FBN2: variants seen among roughly 807,000 people sequenced by gnomAD.
FBN2 encodes fibrillin 2, also known as fibrillin-2.
Under a neutral mutation model 355.6 loss-of-function variants are expected in FBN2, and 105 were observed. That is an observed-to-expected ratio of 0.30 (90% CI 0.25 to 0.35). FBN2 has a LOEUF of 0.35. FBN2 is among the 10% of genes least tolerant of loss of function. FBN2 has a pLI of 1.00. For synonymous variants in FBN2, 1,350 were observed against 1,301.2 expected, an observed-to-expected ratio of 1.04 and a Z score of -0.81; for missense variants, 3,280 against 3,758.7, an observed-to-expected ratio of 0.87 and a Z score of 3.33.
At chr5:128,480,692 G>A (rs969797766) in intron 5 of FBN2, among the ~76,000 whole-genome samples, 1 of 152,062 alleles carries the variant, frequency 6.6e-6, no homozygotes, top group East Asian at 1.9e-4. Context: ...CAAGATTGTC[G>A]CCAGCCTGGG....
intron 39 of FBN2, 53 bp from the exon 40 acceptor site, chr5:128,310,161 T>G: frequency 6.9e-7 from 1 of 1,439,688 alleles, no homozygotes; most frequent in Non-Finnish European, 9.6e-7. Context: ...TTCAATGAAT[T>G]TATATTACTT....
At chr5:128,347,742 G>A (rs1394940808) in intron 23 of FBN2, among the ~76,000 whole-genome samples, 1 of 151,834 alleles carries the variant, frequency 6.6e-6, no homozygotes, top group East Asian at 1.9e-4. Flanking sequence ...CAAAGTACAA[G>A]GATGAAGAAT....
At chr5:128,522,690 T>C (rs1756461645) in intron 4 of FBN2, among the ~76,000 whole-genome samples, 1 of 152,086 alleles carries the variant, frequency 6.6e-6, no homozygotes, top group African/African-American at 2.4e-5. Flanking sequence ...CCAAAAATGG[T>C]GAATTTCCTT....
At chr5:128,398,704 T>C (rs1251864835) in intron 8 of FBN2, among the ~76,000 whole-genome samples, 1 of 152,210 alleles carries the variant, frequency 6.6e-6, no homozygotes, top group African/African-American at 2.4e-5. Flanking sequence ...TGTGTACATC[T>C]GATATGGTTT....
chr5:128,496,832 T>C (rs1156881032), intron 5 of FBN2, among the ~76,000 whole-genome samples: 1 of 151,902 alleles, frequency 6.6e-6, no homozygotes, highest in Non-Finnish European at 1.5e-5. Context: ...TGAAGACTAT[T>C]AGAATTAACA....
At chr5:128,293,661 A>C (rs1749400369) in intron 48 of FBN2, among the ~76,000 whole-genome samples, 1 of 152,160 alleles carries the variant, frequency 6.6e-6, no homozygotes, top group Non-Finnish European at 1.5e-5. Flanking sequence ...AAAGGTAGCC[A>C]AGACTGCCTA....
At chr5:128,431,049 G>A (rs1753610811) in intron 7 of FBN2, among the ~76,000 whole-genome samples, 1 of 152,084 alleles carries the variant, frequency 6.6e-6, no homozygotes, top group Non-Finnish European at 1.5e-5. Context: ...CTAATTTCAG[G>A]AATGCCCAGG....
chr5:128,260,569 G>C (rs1000088916), intron 64 of FBN2, among the ~76,000 whole-genome samples: 2 of 152,192 alleles, frequency 1.3e-5, no homozygotes, highest in African/African-American at 2.4e-5. Context: ...TCAGTGTTCA[G>C]GCAGAATTAT....
intron 24 of FBN2, 147 bp from the exon 25 acceptor site, chr5:128,344,657 T>C: frequency 2.7e-6 from 2 of 731,534 alleles, no homozygotes; most frequent in Non-Finnish European, 4.9e-6. Flanking sequence ...ATCACACTGA[T>C]ATCACACAGG....
At chr5:128,304,908 C>G (rs540930698) in intron 45 of FBN2, 49 bp downstream of exon 45, 1 of 1,612,946 alleles carries the variant, frequency 6.2e-7, no homozygotes, top group Non-Finnish European at 8.5e-7. Flanking sequence ...GTGATCTGTT[C>G]TGGAACCCCA....
intron 7 of FBN2, among the ~76,000 whole-genome samples, chr5:128,416,550 G>T (rs1168141442): frequency 6.6e-6 from 1 of 152,172 alleles, no homozygotes; most frequent in Non-Finnish European, 1.5e-5. Context: ...CGGGTCTTAT[G>T]TTTAGGTCTT....
chr5:128,519,395 A>C, intron 4 of FBN2, 27 bp from the exon 5 acceptor site: 352 of 1,561,708 alleles, frequency 2.3e-4, no homozygotes, highest in Non-Finnish European at 2.9e-4. Context: ...CAAGAAGCTC[A>C]TTATATAGCC....
chr5:128,262,024 A>G (rs1764988909), intron 63 of FBN2, 117 bp from the exon 64 acceptor site: 1 of 815,472 alleles, frequency 1.2e-6, no homozygotes, highest in South Asian at 1.4e-5. Flanking sequence ...TAAACTCATA[A>G]ACATAAAACC....
At chr5:128,457,953 CAT>C (rs1484611001) in intron 6 of FBN2, among the ~76,000 whole-genome samples, 1 of 151,918 alleles carries the variant, frequency 6.6e-6, no homozygotes, top group Non-Finnish European at 1.5e-5. Flanking sequence ...ATCAAATTCA[CAT>C]GTGACAATAC....
chr5:128,284,056 T>C (rs896340458), intron 55 of FBN2, among the ~76,000 whole-genome samples: 14 of 152,202 alleles, frequency 9.2e-5, no homozygotes, highest in African/African-American at 3.4e-4. Flanking sequence ...GTCACCTAAA[T>C]GAAACCCTTG....
intron 25 of FBN2, among the ~76,000 whole-genome samples, chr5:128,340,801 C>T (rs1300614328): frequency 6.6e-6 from 1 of 151,604 alleles, no homozygotes; most frequent in Non-Finnish European, 1.5e-5. Context: ...AAAGTGCTCT[C>T]TCTTTCTCTC....
At chr5:128,404,007 A>C (rs10041869) in intron 8 of FBN2, among the ~76,000 whole-genome samples, 18,945 of 152,210 alleles carry the variant, frequency 0.12, 1,526 homozygotes, top group African/African-American at 0.22. Context: ...ATTAAGACAA[A>C]ATTCAGCAAA....
At chr5:128,352,924 G>A (rs1485101421) in intron 20 of FBN2, among the ~76,000 whole-genome samples, 1 of 152,142 alleles carries the variant, frequency 6.6e-6, no homozygotes, top group Non-Finnish European at 1.5e-5. Flanking sequence ...TATAATCCCA[G>A]CACTTTGGGA....
intron 52 of FBN2, 107 bp downstream of exon 52, chr5:128,289,020 C>A: frequency 1.7e-6 from 2 of 1,183,648 alleles, no homozygotes; most frequent in East Asian, 4.9e-5. Flanking sequence ...GCTATTTATC[C>A]TGGATTTGTA....
Sources: gnomAD v4.1 joint callset for allele counts (sites outside exome capture counted in the v4.1 genomes callset) on GRCh38, gnomAD v4.1.1 for gene constraint, MANE v1.5 for transcripts, NCBI Gene and HGNC (gene_info 2026-07-23, HGNC 2026-07-21) for gene names.